Variants in ULK4 observed in about 807,000 individuals in gnomAD.
ULK4 encodes the protein unc-51 like kinase 4, also known as inactive serine/threonine-protein kinase ULK4.
A neutral mutation model predicts 160.6 loss-of-function variants in ULK4; 133 were observed. The ratio of observed to expected loss-of-function variants is 0.83; its 90% CI spans 0.72 to 0.96. ULK4 has a LOEUF of 0.96. ULK4 is among the 40% of genes least tolerant of loss of function. The pLI is 0.00. For missense variants in ULK4, 1,580 were observed against 1,499.5 expected (o/e 1.05, Z -0.89); for synonymous variants, 534 against 539.8 (o/e 0.99, Z 0.15).
In ULK4 at chr3:41,719,041, A is replaced by C. The variant is rs533798570; in HGVS notation, c.2322-1180T>G. Among the ~76,000 whole-genome samples, 49 of 152,194 alleles carry C rather than the reference A, an allele frequency of 3.2e-4. No individual in the cohort carries two copies. The South Asian group carries it at 9.8e-3, about 30-fold the overall frequency. On this transcript the variant is annotated intron_variant, in intron 22 of 36. Transcript: ENST00000301831. Reference sequence around the variant, plus strand: ...CAATCTGGCTTTCTCTCTCATCACTATCTCTAAAGTCACATGACATCAAAT... The same window carrying C: ...CAATCTGGCTTTCTCTCTCATCACTCTCTCTAAAGTCACATGACATCAAAT...
At chr3:41,928,465 A>C (rs1266070191) in intron 5 of ULK4, among the ~76,000 whole-genome samples, 1 of 152,040 alleles carries the variant, frequency 6.6e-6, no homozygotes, top group African/African-American at 2.4e-5. Context: ...ACAAATTCAA[A>C]AACTAGCAGA....
At chr3:41,434,580 A>G (rs1190290136) in intron 34 of ULK4, among the ~76,000 whole-genome samples, 3 of 152,186 alleles carry the variant, frequency 2.0e-5, no homozygotes, top group Non-Finnish European at 4.4e-5. Flanking sequence ...TATTACTTTT[A>G]AAAGGACACT....
chr3:41,931,773 G>T, intron 5 of ULK4, 71 bp downstream of exon 5: 1 of 1,527,888 alleles, frequency 6.5e-7, no homozygotes, highest in Non-Finnish European at 8.9e-7. Flanking sequence ...GACTGACATT[G>T]TCTCCTAAAC....
chr3:41,309,421 C>A (rs1051007470), intron 35 of ULK4, among the ~76,000 whole-genome samples: 3 of 152,034 alleles, frequency 2.0e-5, no homozygotes, highest in African/African-American at 7.2e-5. Flanking sequence ...TACTACAATC[C>A]CAGATTCCTA....
chr3:41,881,435 T>C (rs1368887339), intron 17 of ULK4, among the ~76,000 whole-genome samples: 1 of 152,180 alleles, frequency 6.6e-6, no homozygotes, highest in Non-Finnish European at 1.5e-5. Context: ...TGACCTCTAG[T>C]GGCTACTTAA....
At chr3:41,269,490 G>C (rs1319310096) in intron 35 of ULK4, among the ~76,000 whole-genome samples, 1 of 152,036 alleles carries the variant, frequency 6.6e-6, no homozygotes, top group Non-Finnish European at 1.5e-5. Flanking sequence ...CTTAATTGAG[G>C]ATATTAGGAG....
At chr3:41,882,607 T>C (rs1559627034) in intron 17 of ULK4, among the ~76,000 whole-genome samples, 1 of 152,204 alleles carries the variant, frequency 6.6e-6, no homozygotes, top group East Asian at 1.9e-4. Flanking sequence ...AAAGTATCCA[T>C]CCTACTTAAT....
chr3:41,373,922 C>T (rs1014646614), intron 35 of ULK4, among the ~76,000 whole-genome samples: 1 of 152,038 alleles, frequency 6.6e-6, no homozygotes, highest in Non-Finnish European at 1.5e-5. Context: ...AGAGAAGAAT[C>T]AAATAGATGC....
At chr3:41,473,661 C>CAAAAAAAAA (rs1294599838) in intron 32 of ULK4, among the ~76,000 whole-genome samples, 11 of 25,290 alleles carry the variant, frequency 4.3e-4, no homozygotes, top group African/African-American at 1.6e-3. Context: ...GATTCTGTCT[C>CAAAAAAAAA]AAAGAAAAAA....
chr3:41,938,835 T>C (rs1255037755), intron 2 of ULK4, among the ~76,000 whole-genome samples: 1 of 152,220 alleles, frequency 6.6e-6, no homozygotes, highest in Non-Finnish European at 1.5e-5. Flanking sequence ...CTGGCGTTTT[T>C]TAATTCTACT....
At chr3:41,437,408 C>G (rs1443756227) in intron 34 of ULK4, among the ~76,000 whole-genome samples, 1 of 152,198 alleles carries the variant, frequency 6.6e-6, no homozygotes, top group Non-Finnish European at 1.5e-5. Flanking sequence ...GCTCAAGATT[C>G]TGAAGCTAAA....
At chr3:41,868,855 T>G (rs1394559517) in intron 17 of ULK4, 3 of 152,146 alleles carry the variant, frequency 2.0e-5, no homozygotes, top group African/African-American at 7.2e-5. Flanking sequence ...ATATTTAGGC[T>G]ACTCATATTT....
intron 25 of ULK4, among the ~76,000 whole-genome samples, chr3:41,706,361 T>TATA (rs1553637296): frequency 7.6e-6 from 1 of 131,522 alleles, no homozygotes; most frequent in East Asian, 2.1e-4. Flanking sequence ...ATATATATAT[T>TATA]TATATATATA....
intron 29 of ULK4, among the ~76,000 whole-genome samples, chr3:41,673,998 C>T (rs1325935337): frequency 6.6e-6 from 1 of 152,030 alleles, no homozygotes; most frequent in Non-Finnish European, 1.5e-5. Context: ...ACATGGAAGT[C>T]ACTTAATATA....
At chr3:41,923,045 G>A (rs1699249180) in intron 5 of ULK4, among the ~76,000 whole-genome samples, 1 of 151,330 alleles carries the variant, frequency 6.6e-6, no homozygotes, top group South Asian at 2.1e-4. Context: ...ATGGTGGCAG[G>A]CACCTGTAAG....
At chr3:41,527,408 T>C (rs2086156850) in intron 32 of ULK4, among the ~76,000 whole-genome samples, 1 of 152,362 alleles carries the variant, frequency 6.6e-6, no homozygotes, top group South Asian at 2.1e-4. Flanking sequence ...GCTTTACCCA[T>C]ATCAACTTGT....
At position 41,705,252 on chromosome 3, in the gene ULK4, A is replaced by T. The variant is rs750491954; in HGVS notation, c.2686+2T>A. On this transcript the variant is annotated splice_donor_variant, in intron 26 of 36. Coordinates refer to ENST00000301831, the MANE Select transcript of ULK4 (RefSeq NM_017886.4). LOFTEE classifies it high-confidence loss of function. Reference sequence around the variant, plus strand: ...ACACAAAATGTTCCAGGGTCTACTCACCTATGGCTCCATCTATGTTCGTTT... The same window carrying T: ...ACACAAAATGTTCCAGGGTCTACTCTCCTATGGCTCCATCTATGTTCGTTT... 2 of 1,613,458 alleles carry T rather than the reference A, an allele frequency of 1.2e-6. No homozygotes were observed. The highest frequency in any genetic ancestry group is 1.7e-6 in the Non-Finnish European group (2 of 1,179,714).
chr3:41,954,547 A>T, intron 2 of ULK4, 75 bp downstream of exon 2: 1 of 1,498,896 alleles, frequency 6.7e-7, no homozygotes, highest in Non-Finnish European at 9.0e-7. Context: ...TTCAATGACT[A>T]CTGTGAAAAT....
chr3:41,881,517 G>A (rs73081392), intron 17 of ULK4, among the ~76,000 whole-genome samples: 18,566 of 152,076 alleles, frequency 0.12, 1,325 homozygotes, highest in Middle Eastern at 0.27. Context: ...GCCATTAAAA[G>A]TAATGAAATA....
Sources: allele counts gnomAD v4.1 joint callset (sites outside exome capture counted in the v4.1 genomes callset), GRCh38; gene constraint gnomAD v4.1.1; transcripts MANE v1.5; gene names NCBI Gene and HGNC (gene_info 2026-07-23, HGNC 2026-07-21).